The following TLN2 variants were observed in gnomAD, a reference collection of about 807,000 sequenced individuals.
TLN2 encodes talin-2.
A neutral mutation model predicts 294.7 loss-of-function variants in TLN2; 118 were observed. The ratio of observed to expected loss-of-function variants is 0.40; its 90% CI spans 0.34 to 0.47. TLN2 has a LOEUF of 0.47. Ranked by LOEUF, TLN2 falls within the 20% of genes least tolerant of loss-of-function variation. The pLI, the probability that TLN2 is intolerant of heterozygous loss-of-function variation, is 0.84. For synonymous variants in TLN2, 1,431 were observed against 1,304.5 expected, an observed-to-expected ratio of 1.10 and a Z score of -2.09; for missense variants, 3,083 against 3,282.2, an observed-to-expected ratio of 0.94 and a Z score of 1.48.
At chr15:62,551,604 C>T (rs188896363) in intron 1 of TLN2, among the ~76,000 whole-genome samples, 1 of 152,036 alleles carries the variant, frequency 6.6e-6, no homozygotes, top group Non-Finnish European at 1.5e-5. Flanking sequence ...GAGGCTAAGG[C>T]AGGAGAATCA....
chr15:62,675,383 C>G (rs934562690), intron 11 of TLN2, 62 bp downstream of exon 11: 23 of 1,553,284 alleles, frequency 1.5e-5, no homozygotes, highest in Non-Finnish European at 1.9e-5. Context: ...TTTGTTCAAG[C>G]GTTTGCTGTT....
intron 1 of TLN2, among the ~76,000 whole-genome samples, chr15:62,504,846 T>TGTGTGTGA (rs1207922838): frequency 3.0e-4 from 44 of 144,480 alleles, no homozygotes; most frequent in African/African-American, 1.1e-3. Flanking sequence ...TGTGTGTGTG[T>TGTGTGTGA]GAGAGAGAGA....
chr15:62,546,306 A>G (rs1317239790), intron 1 of TLN2, among the ~76,000 whole-genome samples: 2 of 152,190 alleles, frequency 1.3e-5, no homozygotes, highest in African/African-American at 4.8e-5. Context: ...GAGCTGGGGC[A>G]CGGCTAATCT....
rs374289412 is a variant in TLN2, at chr15:62,738,402, C to A, written c.3687+69C>A. 14 of 1,545,016 alleles carry A rather than the reference C, an allele frequency of 9.1e-6. No individual in the cohort carries two copies. In the African/African-American group the frequency reaches 1.9e-4, roughly 21 times the overall value. On this transcript the variant is annotated intron_variant, in intron 30 of 58. Coordinates refer to ENST00000636159, the MANE Select transcript of TLN2 (RefSeq NM_015059.3). The stretch of plus-strand genomic sequence containing the variant: ...TCGCGTTAGGTGTGAGTGAAGTCTT[C>A]TTCTCTCCATGAGATCTCTGAGCAG...
At chr15:62,634,603 T>A (rs1459923682) in intron 3 of TLN2, among the ~76,000 whole-genome samples, 1 of 152,264 alleles carries the variant, frequency 6.6e-6, no homozygotes, top group Non-Finnish European at 1.5e-5. Context: ...TGCAATTTGA[T>A]TTGTTTTTTT....
intron 1 of TLN2, among the ~76,000 whole-genome samples, chr15:62,500,117 A>C (rs2140427646): frequency 6.6e-6 from 1 of 151,910 alleles, no homozygotes; most frequent in East Asian, 2.0e-4. Context: ...CGGGCAGATC[A>C]CCTGAGGTCA....
intron 1 of TLN2, among the ~76,000 whole-genome samples, chr15:62,486,823 T>C (rs981733152): frequency 6.6e-6 from 1 of 152,050 alleles, no homozygotes; most frequent in African/African-American, 2.4e-5. Flanking sequence ...TTTTTTTTTT[T>C]TTAATGTATA....
intron 1 of TLN2, among the ~76,000 whole-genome samples, chr15:62,528,133 T>G (rs1384896869): frequency 6.6e-6 from 1 of 152,226 alleles, no homozygotes; most frequent in East Asian, 1.9e-4. Context: ...CCATTAAATT[T>G]TATATTTTTC....
chr15:62,825,824 ATT>A (rs1491458635), intron 54 of TLN2, among the ~76,000 whole-genome samples: 436 of 35,346 alleles, frequency 0.012, 19 homozygotes, highest in East Asian at 0.028. Flanking sequence ...TATAATATAT[ATT>A]ATAATATATA....
chr15:62,686,856 C>T (rs904868501), intron 12 of TLN2, 60 bp downstream of exon 12: 1 of 1,588,896 alleles, frequency 6.3e-7, no homozygotes, highest in Non-Finnish European at 8.6e-7. Flanking sequence ...ATTGTGGGGA[C>T]AGGAGAAAGA....
In TLN2 at chr15:62,522,172, A is replaced by G. The variant is rs547902267; in HGVS notation, c.-237-67515A>G. Among the ~76,000 whole-genome samples the G allele has an allele frequency of 5.9e-5, 9 of 152,298 alleles. No homozygotes were observed. In the East Asian group the frequency reaches 9.6e-4, roughly 16 times the overall value. ...GTTCACAGTGTGGATGCACGACTCA[A>G]GGGGTTGACGCTTAGCTCTTTGACA... On this transcript the variant is annotated intron_variant, in intron 1 of 58. Transcript: ENST00000636159.
chr15:62,478,402 C>G (rs1202485282), intron 1 of TLN2, among the ~76,000 whole-genome samples: 1 of 152,150 alleles, frequency 6.6e-6, no homozygotes, highest in African/African-American at 2.4e-5. Context: ...AGGACCCTCC[C>G]CTGTATGGCA....
intron 24 of TLN2, among the ~76,000 whole-genome samples, chr15:62,719,091 C>A (rs1276472826): frequency 6.6e-6 from 1 of 152,130 alleles, no homozygotes; most frequent in Non-Finnish European, 1.5e-5. Context: ...CCTCATTAAC[C>A]AGAGAAGGAG....
intron 1 of TLN2, among the ~76,000 whole-genome samples, chr15:62,508,357 C>T (rs402439): frequency 0.041 from 6,227 of 152,208 alleles, 436 homozygotes; most frequent in African/African-American, 0.14. Flanking sequence ...GCTGGGACTA[C>T]AGGCGCGTGC....
At chr15:62,465,695 A>G (rs924037623) in intron 1 of TLN2, among the ~76,000 whole-genome samples, 1 of 152,260 alleles carries the variant, frequency 6.6e-6, no homozygotes, top group African/African-American at 2.4e-5. Context: ...AAGATGGGGT[A>G]GTGAGCTGAT....
At chr15:62,476,052 C>A (rs1004644363) in intron 1 of TLN2, among the ~76,000 whole-genome samples, 3 of 152,104 alleles carry the variant, frequency 2.0e-5, no homozygotes, top group African/African-American at 7.2e-5. Context: ...TTCCAAGGAC[C>A]CTTGGCAGCC....
intron 1 of TLN2, among the ~76,000 whole-genome samples, chr15:62,520,559 A>G (rs2040405111): frequency 6.6e-6 from 1 of 152,220 alleles, no homozygotes; most frequent in East Asian, 1.9e-4. Context: ...AGGTTTTGTT[A>G]TATCTACCCC....
intron 3 of TLN2, among the ~76,000 whole-genome samples, chr15:62,618,776 A>G (rs1444070023): frequency 1.3e-5 from 2 of 152,166 alleles, no homozygotes; most frequent in Non-Finnish European, 2.9e-5. Flanking sequence ...GTTTCTCCTG[A>G]TGTGTAGGTT....
intron 1 of TLN2, among the ~76,000 whole-genome samples, chr15:62,573,403 G>A (rs886849048): frequency 1.3e-5 from 2 of 152,008 alleles, no homozygotes; most frequent in Non-Finnish European, 2.9e-5. Context: ...CAGCTCACAT[G>A]AGGACCCACT....
Sources: allele counts gnomAD v4.1 joint callset (sites outside exome capture counted in the v4.1 genomes callset), GRCh38; gene constraint gnomAD v4.1.1; transcripts MANE v1.5; gene names NCBI Gene and HGNC (gene_info 2026-07-23, HGNC 2026-07-21).